Variants in HNRNPC observed in about 807,000 individuals in gnomAD.
HNRNPC encodes the protein heterogeneous nuclear ribonucleoprotein C, also known as heterogeneous nuclear ribonucleoproteins C1/C2.
A neutral mutation model predicts 33.2 loss-of-function variants in HNRNPC; 3 were observed. The observed-to-expected ratio is 0.09, with a 90% confidence interval of 0.04 to 0.23. The LOEUF (loss-of-function observed/expected upper bound fraction) is 0.23, where lower values mean the gene tolerates loss of function less well. Among genes scored for constraint, HNRNPC ranks in the 10% least tolerant of loss-of-function variants. The pLI is 1.00. For synonymous variants in HNRNPC, 121 were observed against 126.7 expected, an observed-to-expected ratio of 0.96 and a Z score of 0.30; for missense variants, 143 against 366.7, an observed-to-expected ratio of 0.39 and a Z score of 4.98.
intron 5 of HNRNPC, among the ~76,000 whole-genome samples, chr14:21,225,607 C>T (rs1229583128): frequency 3.3e-5 from 5 of 152,016 alleles, no homozygotes; most frequent in Admixed American, 2.6e-4. Flanking sequence ...TAGCACCAGA[C>T]GGGTTTCATC....
At chr14:21,243,464 C>T (rs1001914186) in intron 2 of HNRNPC, among the ~76,000 whole-genome samples, 1 of 152,092 alleles carries the variant, frequency 6.6e-6, no homozygotes, top group Non-Finnish European at 1.5e-5. Flanking sequence ...TCTTAAGATG[C>T]TATATATAGC....
intron 5 of HNRNPC, among the ~76,000 whole-genome samples, chr14:21,229,309 T>G (rs1482908478): frequency 3.4e-5 from 5 of 149,082 alleles, no homozygotes; most frequent in African/African-American, 1.2e-4. Flanking sequence ...AGGCGCAGCT[T>G]GCAGTGAGCC....
rs142702993 is a variant in HNRNPC, at chr14:21,219,668, G to A, written c.366-6551C>T. On this transcript the variant is annotated intron_variant, in intron 5 of 8. Transcript: ENST00000553300. The stretch of plus-strand genomic sequence containing the variant: ...CTCCTTTGCTCATTTCTTCCTTACC[G>A]CCACATTCTTTAAAGGTCACAGTAC... Among the ~76,000 whole-genome samples, 952 of 151,402 alleles carry A rather than the reference G, an allele frequency of 6.3e-3. 12 individuals carry two copies. The highest frequency in any genetic ancestry group is 0.02 in the African/African-American group (829 of 41,218).
intron 5 of HNRNPC, among the ~76,000 whole-genome samples, chr14:21,216,742 T>G (rs1408912154): frequency 6.6e-6 from 1 of 152,092 alleles, no homozygotes; most frequent in Non-Finnish European, 1.5e-5. Flanking sequence ...AGGAGCAGTT[T>G]TTTCCATTCT....
chr14:21,257,287 A>G (rs1877386194), intron 2 of HNRNPC, among the ~76,000 whole-genome samples: 1 of 152,168 alleles, frequency 6.6e-6, no homozygotes. Context: ...GAGTGTGGAC[A>G]GAAAAGAGAA....
chr14:21,211,643 G>T, intron 7 of HNRNPC, 77 bp from the exon 8 acceptor site: 2 of 1,511,154 alleles, frequency 1.3e-6, no homozygotes, highest in Middle Eastern at 1.7e-4. Flanking sequence ...AAGGATCACA[G>T]AACTGCAGCA....
In HNRNPC at chr14:21,209,359, T is replaced by C. The variant is rs1318893179; in HGVS notation, c.*1864A>G. 6.6e-6 allele frequency: 1 copy of C among 152,196 alleles called. No individual in the cohort carries two copies. The highest frequency in any genetic ancestry group is 1.5e-5 in the Non-Finnish European group (1 of 68,026). The allele number at this position is 152,196 out of a possible 1,614,324, so 9.4% of individuals were successfully genotyped here. A position where few individuals can be genotyped will look rare whatever the true frequency, so the allele number is the denominator to read the frequency against. ...TGATTGTGGACTAATTTGTTCAGTA[T>C]TTCCCAAAAACTTACAGCTAACAAT... On this transcript the variant is annotated 3_prime_UTR_variant, in exon 9 of 9. Transcript: ENST00000553300.
At chr14:21,269,041 A>G (rs997894890) in intron 1 of HNRNPC, among the ~76,000 whole-genome samples, 2 of 152,132 alleles carry the variant, frequency 1.3e-5, no homozygotes, top group Non-Finnish European at 2.9e-5. Context: ...AAATGAAAGG[A>G]AAGCAGCCGT....
At chr14:21,232,331 TGC>T (rs1894206921) in intron 3 of HNRNPC, among the ~76,000 whole-genome samples, 1 of 152,158 alleles carries the variant, frequency 6.6e-6, no homozygotes, top group African/African-American at 2.4e-5. Flanking sequence ...AATATACAAA[TGC>T]CCCAAAATAT....
intron 2 of HNRNPC, among the ~76,000 whole-genome samples, chr14:21,244,517 A>G (rs944354411): frequency 2.0e-5 from 3 of 152,218 alleles, no homozygotes; most frequent in South Asian, 2.1e-4. Context: ...TTGAATTGCC[A>G]AAGTCAGAGA....
At chr14:21,215,158 A>G (rs1413123412) in intron 5 of HNRNPC, among the ~76,000 whole-genome samples, 1 of 152,234 alleles carries the variant, frequency 6.6e-6, no homozygotes, top group Non-Finnish European at 1.5e-5. Flanking sequence ...AAAATATTTC[A>G]AAATATTTCA....
intron 2 of HNRNPC, among the ~76,000 whole-genome samples, chr14:21,255,027 T>C (rs945239971): frequency 5.9e-5 from 9 of 152,160 alleles, no homozygotes; most frequent in East Asian, 1.9e-4. Context: ...TGAGAAAACT[T>C]TTCTTCTCGC....
chr14:21,257,223 C>T (rs1877374967), intron 2 of HNRNPC, among the ~76,000 whole-genome samples: 1 of 152,052 alleles, frequency 6.6e-6, no homozygotes, highest in Non-Finnish European at 1.5e-5. Context: ...GTGTCGAAAT[C>T]AGCTTATAGG....
rs1442644051 is a variant in HNRNPC at position 21,230,407 on chromosome 14, T to C, written c.318-41A>G. ...CGAAAAGGGTTAATTTGGAAATGTT[T>C]CTACTAATTCACAATGTCAGGTGAG... On this transcript the variant is annotated intron_variant, in intron 4 of 8. Coordinates refer to ENST00000553300, the MANE Select transcript of HNRNPC (RefSeq NM_004500.4). 6.2e-6 allele frequency: 9 copies of C among 1,461,998 alleles called. No homozygotes were observed. In the South Asian group the frequency reaches 1.0e-4, roughly 17 times the overall value. The allele number at this position is 1,461,998 out of a possible 1,614,324, so 90.6% of individuals were successfully genotyped here. A position where few individuals can be genotyped will look rare whatever the true frequency, so the allele number is the denominator to read the frequency against.
At chr14:21,257,821 A>G (rs769724796) in intron 2 of HNRNPC, among the ~76,000 whole-genome samples, 2 of 152,144 alleles carry the variant, frequency 1.3e-5, no homozygotes, top group African/African-American at 4.8e-5. Flanking sequence ...TCAGCCTCCC[A>G]AAGTGCTGGG....
intron 1 of HNRNPC, among the ~76,000 whole-genome samples, chr14:21,266,708 G>A (rs1207826239): frequency 6.7e-6 from 1 of 150,240 alleles, no homozygotes; most frequent in Non-Finnish European, 1.5e-5. Flanking sequence ...TGCATATTAA[G>A]AGCAAATAAT....
chr14:21,222,645 C>G (rs1218908465), intron 5 of HNRNPC, among the ~76,000 whole-genome samples: 2 of 152,178 alleles, frequency 1.3e-5, no homozygotes, highest in Admixed American at 6.5e-5. Flanking sequence ...GTAATCCCAG[C>G]ACTTTGGGAG....
rs983476355 is a variant in HNRNPC, at chr14:21,209,689, G to A, written c.*1534C>T. On this transcript the variant is annotated 3_prime_UTR_variant, in exon 9 of 9. Coordinates refer to ENST00000553300, the MANE Select transcript of HNRNPC (RefSeq NM_004500.4). ...ATAAGACATGAGTTTTGCCTGTAAT[G>A]AGTAGGATGAAAAAAGGCCAGTGCC... is the stretch of plus-strand genomic sequence containing the variant. The A allele has an allele frequency of 6.6e-6, 1 of 152,094 alleles. No homozygotes were observed. Among genetic ancestry groups the A allele is most frequent in the African/African-American group, 2.4e-5 (1 of 41,406 alleles). 9.4% of individuals were successfully genotyped at this position (152,094 alleles called of 1,614,324 possible).
chr14:21,232,747 T>C (rs1894252469), intron 3 of HNRNPC, among the ~76,000 whole-genome samples: 1 of 152,184 alleles, frequency 6.6e-6, no homozygotes. Context: ...AACTGAAAAC[T>C]GACTCAGGCC....
Sources: allele counts gnomAD v4.1 joint callset (sites outside exome capture counted in the v4.1 genomes callset), GRCh38; gene constraint gnomAD v4.1.1; transcripts MANE v1.5; gene names NCBI Gene and HGNC (gene_info 2026-07-23, HGNC 2026-07-21).